Variants in WWOX observed in about 807,000 individuals in gnomAD.
WWOX encodes WW domain-containing oxidoreductase.
Under a neutral mutation model 46.2 loss-of-function variants are expected in WWOX, and 69 were observed. The observed-to-expected ratio is 1.49, with a 90% confidence interval of 1.23 to 1.82. The LOEUF (loss-of-function observed/expected upper bound fraction) is 1.82. Among genes scored for constraint, WWOX ranks in the 40% most tolerant of loss-of-function variants. The probability of loss-of-function intolerance (pLI) is 0.00; values close to 1 mark genes in which losing one functional copy is unlikely to be tolerated. For missense variants in WWOX, 919 were observed against 542.6 expected (o/e 1.69, Z -6.89); for synonymous variants, 359 against 202.6 (o/e 1.77, Z -6.56).
intron 5 of WWOX, among the ~76,000 whole-genome samples, chr16:78,190,462 A>G (rs1328044036): frequency 6.6e-6 from 1 of 152,160 alleles, no homozygotes; most frequent in Non-Finnish European, 1.5e-5. Context: ...CCTATCCAGT[A>G]TACCTAGTGA....
chr16:79,184,767 C>G (rs61007640), intron 8 of WWOX, among the ~76,000 whole-genome samples: 1,612 of 152,282 alleles, frequency 0.011, 31 homozygotes, highest in African/African-American at 0.036. Context: ...AGAGGAGGCA[C>G]CAATGGCAAT....
chr16:78,706,805 C>CT (rs201178666), intron 8 of WWOX, among the ~76,000 whole-genome samples: 16 of 151,554 alleles, frequency 1.1e-4, no homozygotes, highest in East Asian at 3.9e-4. Context: ...TACAAACTAC[C>CT]TTTTTTTTTG....
intron 8 of WWOX, among the ~76,000 whole-genome samples, chr16:78,831,271 T>C (rs530178248): frequency 2.0e-5 from 3 of 152,324 alleles, no homozygotes; most frequent in South Asian, 2.1e-4. Context: ...TAGCTAGTGC[T>C]TTCAGCAAAG....
intron 8 of WWOX, among the ~76,000 whole-genome samples, chr16:78,765,739 G>C (rs541157054): frequency 6.6e-6 from 1 of 152,196 alleles, no homozygotes; most frequent in East Asian, 1.9e-4. Flanking sequence ...TCTGGCAGTT[G>C]TGCCGAGGAG....
intron 5 of WWOX, among the ~76,000 whole-genome samples, chr16:78,323,241 G>C (rs1448665813): frequency 2.6e-5 from 4 of 152,004 alleles, no homozygotes; most frequent in Non-Finnish European, 5.9e-5. Context: ...TGAGTAGGTG[G>C]GACTACAGGC....
intron 8 of WWOX, among the ~76,000 whole-genome samples, chr16:78,908,198 C>T (rs756076683): frequency 3.3e-4 from 50 of 152,044 alleles, no homozygotes; most frequent in Non-Finnish European, 5.9e-4. Flanking sequence ...TCTCCTTGCC[C>T]GCTGCCTAAG....
intron 8 of WWOX, among the ~76,000 whole-genome samples, chr16:78,560,204 G>C (rs1214059800): frequency 6.6e-6 from 1 of 152,126 alleles, no homozygotes; most frequent in Non-Finnish European, 1.5e-5. Flanking sequence ...ACTGAAACAG[G>C]TACCTTTTGT....
intron 8 of WWOX, among the ~76,000 whole-genome samples, chr16:78,672,772 T>G (rs373919382): frequency 1.3e-5 from 2 of 152,218 alleles, no homozygotes; most frequent in Non-Finnish European, 2.9e-5. Flanking sequence ...TTGTACTGAT[T>G]ATGGCCTGAC....
At chr16:78,869,739 G>T (rs554120142) in intron 8 of WWOX, among the ~76,000 whole-genome samples, 43 of 152,300 alleles carry the variant, frequency 2.8e-4, no homozygotes, top group African/African-American at 1.0e-3. Context: ...TAGATTTCTA[G>T]TTTCTAAACA....
intron 5 of WWOX, among the ~76,000 whole-genome samples, chr16:78,220,619 A>G (rs2036857367): frequency 6.6e-6 from 1 of 152,166 alleles, no homozygotes; most frequent in Non-Finnish European, 1.5e-5. Context: ...GAACATTTTT[A>G]TTTGAAATAT....
chr16:79,074,378 G>A (rs952992205), intron 8 of WWOX, among the ~76,000 whole-genome samples: 4 of 129,600 alleles, frequency 3.1e-5, no homozygotes, highest in Admixed American at 8.6e-5. Flanking sequence ...ACTCAAAGCC[G>A]AATCTCATCC....
intron 5 of WWOX, among the ~76,000 whole-genome samples, chr16:78,333,042 A>ATTTTTTTTTTTTTTTTT (rs1441535183): frequency 1.6e-5 from 1 of 62,178 alleles, no homozygotes; most frequent in Non-Finnish European, 3.8e-5. Flanking sequence ...AGAGCATTAT[A>ATTTTTTTTTTTTTTTTT]CTTTTTTTTT....
chr16:78,182,521 T>C (rs920865637), intron 5 of WWOX, among the ~76,000 whole-genome samples: 1 of 152,012 alleles, frequency 6.6e-6, no homozygotes, highest in Admixed American at 6.6e-5. Context: ...CAAGGGTATC[T>C]TTCCCACAAA....
In WWOX at chr16:78,556,594, G is replaced by A. The variant is rs147020917; in HGVS notation, c.1056+123842G>A. 1.2e-4 allele frequency among the ~76,000 whole-genome samples: 19 copies of A among 152,250 alleles called. No individual in the cohort carries two copies. The East Asian group carries it at 1.4e-3, about 11-fold the overall frequency. On this transcript the variant is annotated intron_variant, in intron 8 of 8. Transcript: ENST00000566780. ...CTGGACCGGCGTGCGGTGAGTTGCC[G>A]TGCCCACCACGACTGCTGTCTGTGT... is the stretch of plus-strand genomic sequence containing the variant.
chr16:78,269,460 C>T lies in WWOX; in HGVS notation c.516+105171C>T, dbSNP rs544801721. Among the ~76,000 whole-genome samples the T allele has an allele frequency of 2.6e-5, 4 of 152,280 alleles. No homozygotes were observed. In the East Asian group the frequency reaches 5.8e-4, roughly 22 times the overall value. On this transcript the variant is annotated intron_variant, in intron 5 of 8. Coordinates refer to ENST00000566780, the MANE Select transcript of WWOX (RefSeq NM_016373.4). Reference sequence around the variant, plus strand: ...GCAGCCATTCTGGTTTGACTGTGCTCGTGCTGCCCTGTGACATATTGTTTA... The same window carrying T: ...GCAGCCATTCTGGTTTGACTGTGCTTGTGCTGCCCTGTGACATATTGTTTA...
intron 8 of WWOX, among the ~76,000 whole-genome samples, chr16:78,542,543 A>G (rs995887422): frequency 6.6e-6 from 1 of 152,242 alleles, no homozygotes; most frequent in Non-Finnish European, 1.5e-5. Flanking sequence ...ACTATGCAAC[A>G]GAAGCCGATG....
intron 8 of WWOX, among the ~76,000 whole-genome samples, chr16:78,496,979 A>C (rs1479046226): frequency 1.3e-5 from 2 of 152,240 alleles, no homozygotes; most frequent in Non-Finnish European, 2.9e-5. Context: ...CAAGGGAGTT[A>C]ACTATGGCAA....
chr16:78,887,497 ACAC>A (rs1364358430), intron 8 of WWOX, among the ~76,000 whole-genome samples: 1 of 149,010 alleles, frequency 6.7e-6, no homozygotes, highest in African/African-American at 2.6e-5. Flanking sequence ...ACACACACAC[ACAC>A]ACACACACAC....
At chr16:78,215,772 A>G (rs1214290641) in intron 5 of WWOX, among the ~76,000 whole-genome samples, 3 of 152,062 alleles carry the variant, frequency 2.0e-5, no homozygotes, top group Non-Finnish European at 4.4e-5. Flanking sequence ...TACTAAAAAT[A>G]CAAAACAGCC....
Sources: gnomAD v4.1 joint callset for allele counts (sites outside exome capture counted in the v4.1 genomes callset) on GRCh38, gnomAD v4.1.1 for gene constraint, MANE v1.5 for transcripts, NCBI Gene and HGNC (gene_info 2026-07-23, HGNC 2026-07-21) for gene names.